AOX1: variants seen among roughly 807,000 people sequenced by gnomAD.
AOX1 encodes the protein aldehyde oxidase.
In AOX1, 153 loss-of-function variants were observed where a neutral mutation model predicts 169.5. The observed-to-expected ratio is 0.90, with a 90% CI of 0.79 to 1.03. The LOEUF is 1.03. AOX1 is among the 50% of genes least tolerant of loss of function. AOX1 has a pLI of 0.00. For missense variants in AOX1, 1,656 were observed against 1,663.9 expected (o/e 1.00, Z 0.08); for synonymous variants, 562 against 581.9 (o/e 0.97, Z 0.49).
Position 200,642,741 on chromosome 2 carries a change from G to T in AOX1, c.2787G>T (p.Ala929=), listed in dbSNP as rs148885791. ...AFRGFGFPQA[A]LITESCITEV... ...GTGGGTTTGGCTTTCCTCAGGCAGC[G>T]CTGATCACCGAATCTTGTATCACGG... Residue 929 remains alanine (A), a synonymous_variant, in exon 25 of 35, where the codon GCG becomes GCT. Coordinates refer to ENST00000374700, the MANE Select transcript of AOX1 (RefSeq NM_001159.4). 1 of 1,614,034 alleles carries T rather than the reference G, an allele frequency of 6.2e-7. No individual in the cohort carries two copies. Among genetic ancestry groups the T allele is most frequent in the South Asian group, 1.1e-5 (1 of 91,048 alleles).
At chr2:200,627,563 G>C (rs887430811) in intron 20 of AOX1, 114 bp downstream of exon 20, 8 of 672,788 alleles carry the variant, frequency 1.2e-5, no homozygotes, top group African/African-American at 3.6e-5. Context: ...TGCTCCTCAG[G>C]AACAGGCAGA....
At chr2:200,605,069 C>T (rs917379420) in intron 9 of AOX1, among the ~76,000 whole-genome samples, 6 of 152,144 alleles carry the variant, frequency 3.9e-5, no homozygotes, top group African/African-American at 1.2e-4. Context: ...AGAGTTGTAC[C>T]GAAGGGGCTT....
chr2:200,615,803 T>C (rs1214426367), intron 15 of AOX1, among the ~76,000 whole-genome samples, 168 bp from the exon 16 acceptor site: 2 of 152,204 alleles, frequency 1.3e-5, no homozygotes, highest in African/African-American at 2.4e-5. Flanking sequence ...TATATGTCCT[T>C]GAGTCAGGGA....
downstream of AOX1, chr2:200,677,212 G>T: frequency 4.4e-6 from 1 of 226,964 alleles, no homozygotes; most frequent in African/African-American, 2.4e-5. Context: ...GGAAGGGGAG[G>T]AGAGAAGGAG....
chr2:200,680,890 A>G (rs557811901), downstream of AOX1, among the ~76,000 whole-genome samples: 1 of 152,262 alleles, frequency 6.6e-6, no homozygotes, highest in South Asian at 2.1e-4. Context: ...CATACTGAAG[A>G]TACATTAGTA....
intron 1 of AOX1, among the ~76,000 whole-genome samples, chr2:200,592,321 A>G (rs928382082): frequency 1.3e-5 from 2 of 152,148 alleles, no homozygotes; most frequent in African/African-American, 4.8e-5. Flanking sequence ...GCATATGTCC[A>G]CTCCTCACCT....
chr2:200,672,282 GTGAATTATACCTCAAT>G (rs2036041128), downstream of AOX1, among the ~76,000 whole-genome samples: 1 of 152,236 alleles, frequency 6.6e-6, no homozygotes. Flanking sequence ...TTTATGGTAT[GTGAATTATACCTCAAT>G]TTTTAAAAAA....
chr2:200,615,580 T>G (rs148441734), intron 15 of AOX1, among the ~76,000 whole-genome samples: 10 of 152,254 alleles, frequency 6.6e-5, no homozygotes, highest in African/African-American at 2.2e-4. Context: ...TGGTGTACTT[T>G]GACTCTGATG....
At chr2:200,672,950 G>A (rs1179436931), downstream of AOX1, among the ~76,000 whole-genome samples, 2 of 152,222 alleles carry the variant, frequency 1.3e-5, no homozygotes, top group Admixed American at 6.5e-5. Flanking sequence ...CAGAGCCAGG[G>A]ACGGGGGCAG....
intron 19 of AOX1, among the ~76,000 whole-genome samples, chr2:200,625,682 C>G (rs972195460): frequency 6.6e-6 from 1 of 152,090 alleles, no homozygotes; most frequent in African/African-American, 2.4e-5. Context: ...AAAATTGGCT[C>G]AAAGTTATTC....
chr2:200,663,572 A>ACACTCT (rs1286010281), intron 31 of AOX1, among the ~76,000 whole-genome samples: 1 of 105,058 alleles, frequency 9.5e-6, no homozygotes, highest in East Asian at 3.5e-4. Context: ...ACACACACAC[A>ACACTCT]CTCTCTCTCT....
chr2:200,599,157 A>G (rs1486678135), intron 4 of AOX1, among the ~76,000 whole-genome samples: 2 of 152,180 alleles, frequency 1.3e-5, no homozygotes, highest in Admixed American at 6.5e-5. Context: ...AAATAAAAGC[A>G]TTTTATTTTT....
chr2:200,659,094 A>C, intron 27 of AOX1, 71 bp from the exon 28 acceptor site: 11 of 1,456,864 alleles, frequency 7.6e-6, no homozygotes, highest in African/African-American at 2.8e-5. Flanking sequence ...CACATGTGTT[A>C]CCACGTGGGC....
intron 8 of AOX1, among the ~76,000 whole-genome samples, chr2:200,604,408 G>A (rs1240164765): frequency 6.6e-6 from 1 of 152,168 alleles, no homozygotes; most frequent in Non-Finnish European, 1.5e-5. Context: ...TCCATAGAAT[G>A]ATTTAACAAG....
chr2:200,608,858 A>G, intron 10 of AOX1, 126 bp from the exon 11 acceptor site: 1 of 801,908 alleles, frequency 1.2e-6, no homozygotes, highest in Non-Finnish European at 2.0e-6. Context: ...GCCCATCACC[A>G]CCATCACCAA....
chr2:200,653,984 G>A (rs1356179380), intron 26 of AOX1, among the ~76,000 whole-genome samples: 1 of 152,006 alleles, frequency 6.6e-6, no homozygotes, highest in Non-Finnish European at 1.5e-5. Flanking sequence ...TCCACAAATA[G>A]AGGAGCATTC....
chr2:200,624,980 A>C (rs2034970934), intron 19 of AOX1, among the ~76,000 whole-genome samples: 1 of 152,212 alleles, frequency 6.6e-6, no homozygotes, highest in East Asian at 1.9e-4. Flanking sequence ...GGGCACGATC[A>C]GTGTCTCCAG....
intron 19 of AOX1, among the ~76,000 whole-genome samples, chr2:200,626,567 A>C (rs1325747740): frequency 6.6e-6 from 1 of 152,234 alleles, no homozygotes; most frequent in Non-Finnish European, 1.5e-5. Context: ...TTTGTGCACC[A>C]CTGTACCCTT....
intron 1 of AOX1, among the ~76,000 whole-genome samples, chr2:200,592,478 T>C (rs1202311683): frequency 6.6e-6 from 1 of 152,238 alleles, no homozygotes; most frequent in Non-Finnish European, 1.5e-5. Flanking sequence ...ATGATCACTT[T>C]GGAAAACATA....
Sources: gnomAD v4.1 joint callset for allele counts (sites outside exome capture counted in the v4.1 genomes callset) on GRCh38, gnomAD v4.1.1 for gene constraint, MANE v1.5 for transcripts, NCBI Gene and HGNC (gene_info 2026-07-23, HGNC 2026-07-21) for gene names.